Variants in SYNE1 observed in about 807,000 individuals in gnomAD.
SYNE1 encodes spectrin repeat containing nuclear envelope protein 1.
In SYNE1, 616 loss-of-function variants were observed where a neutral mutation model predicts 1,111.0. That is an observed-to-expected ratio of 0.55 (90% CI 0.52 to 0.59). SYNE1 has a LOEUF of 0.59. Among genes scored for constraint, SYNE1 ranks in the 20% least tolerant of loss-of-function variants. SYNE1 has a pLI of 0.00. For synonymous variants in SYNE1, 3,855 were observed against 3,825.8 expected, an observed-to-expected ratio of 1.01 and a Z score of -0.28; for missense variants, 10,006 against 10,417.0, an observed-to-expected ratio of 0.96 and a Z score of 1.72.
intron 41 of SYNE1, among the ~76,000 whole-genome samples, chr6:152,415,183 A>G (rs2154179825): frequency 6.6e-6 from 1 of 152,304 alleles, no homozygotes; most frequent in South Asian, 2.1e-4. Flanking sequence ...TTAAGAAGAA[A>G]AAAAATTGAA....
chr6:152,257,998 TA>T (rs2091250322), intron 101 of SYNE1, among the ~76,000 whole-genome samples: 1 of 152,074 alleles, frequency 6.6e-6, no homozygotes, highest in Non-Finnish European at 1.5e-5. Context: ...TAAAGAAAAC[TA>T]AATAATTCTT....
At chr6:152,135,419 A>G (rs2056834686) in intron 141 of SYNE1, among the ~76,000 whole-genome samples, 187 bp from the exon 142 acceptor site, 1 of 152,252 alleles carries the variant, frequency 6.6e-6, no homozygotes, top group Admixed American at 6.5e-5. Flanking sequence ...TACCAAAAGC[A>G]TCTAATTTAT....
rs533463247 is a variant in SYNE1 at position 152,554,397 on chromosome 6, CAA to C, written c.68-14378_68-14377del. ...CCTCCTCCATTTATTTCAAAATGAA[CAA>C]AGTGTTCAAGGCCCACTTTTGCACT... is the stretch of plus-strand genomic sequence containing the variant. On this transcript the variant is annotated intron_variant, in intron 3 of 145. Transcript: ENST00000367255. Among the ~76,000 whole-genome samples the C allele has an allele frequency of 2.7e-3, 412 of 151,654 alleles. 1 individual carries two copies. The highest frequency in any genetic ancestry group is 6.9e-3 in the African/African-American group (284 of 41,350).
In SYNE1 at chr6:152,362,317, G is replaced by A. The variant is rs1194222750; in HGVS notation, c.10152C>T (p.Leu3384=). Residue 3384 remains leucine, a synonymous_variant, in exon 64 of 146, where the codon CTC becomes CTT. Coordinates refer to ENST00000367255, the MANE Select transcript of SYNE1 (RefSeq NM_182961.4). The stretch of plus-strand genomic sequence containing the variant: ...TTGTCCACTTGGAGAGAGCTCCTTC[G>A]AGTTGGCTGAAAGGGATTTGAAAGG... ...LSAGIRCKSQ[L]EGALSKWTSY... 2 of 1,614,058 alleles carry A rather than the reference G, an allele frequency of 1.2e-6. No homozygotes were observed. Among genetic ancestry groups the A allele is most frequent in the Non-Finnish European group, 1.7e-6 (2 of 1,180,044 alleles).
intron 128 of SYNE1, among the ~76,000 whole-genome samples, chr6:152,183,258 C>A (rs141241085): frequency 6.6e-6 from 1 of 152,114 alleles, no homozygotes; most frequent in Non-Finnish European, 1.5e-5. Context: ...GTTAAAATCC[C>A]GGTTCAATTG....
At chr6:152,456,684 G>A (rs214967) in intron 22 of SYNE1, 214,497 of 448,266 alleles carry the variant, frequency 0.48, 55,223 homozygotes, top group East Asian at 0.76. Context: ...CTCCACCTCT[G>A]ACTTGTAGCC....
intron 63 of SYNE1, among the ~76,000 whole-genome samples, chr6:152,363,234 C>T (rs1161290488): frequency 6.1e-5 from 9 of 148,220 alleles, no homozygotes; most frequent in Non-Finnish European, 1.3e-4. Flanking sequence ...GTGACTCACG[C>T]CTGTAATCCC....
In SYNE1 at chr6:152,378,488, T is replaced by C. The variant is rs6916841; in HGVS notation, c.9010-1576A>G. Among the ~76,000 whole-genome samples, 1,132 of 152,336 alleles carry C rather than the reference T, an allele frequency of 7.4e-3. 16 individuals carry two copies. The highest frequency in any genetic ancestry group is 0.026 in the African/African-American group (1,083 of 41,572). ...GATATCCAGGCTAGCTTATTCTGTG[T>C]CTTAGCTCCTTTCATCATTCCCCTC... is the stretch of plus-strand genomic sequence containing the variant. On this transcript the variant is annotated intron_variant, in intron 56 of 145. Coordinates refer to ENST00000367255, the MANE Select transcript of SYNE1 (RefSeq NM_182961.4).
At chr6:152,373,287 T>C in intron 58 of SYNE1, 68 bp from the exon 59 acceptor site, 1 of 1,308,148 alleles carries the variant, frequency 7.6e-7, no homozygotes, top group South Asian at 1.5e-5. Context: ...TTTCTTTTCT[T>C]TTTTTTTTTT....
rs530365975 is a variant in SYNE1, at chr6:152,235,729, A to G, written c.20396+378T>C. 2.8e-4 allele frequency among the ~76,000 whole-genome samples: 43 copies of G among 152,004 alleles called. 1 individual carries two copies. The highest frequency in any genetic ancestry group is 2.3e-3 in the South Asian group (11 of 4,824). On this transcript the variant is annotated intron_variant, in intron 110 of 145. Coordinates refer to ENST00000367255, the MANE Select transcript of SYNE1 (RefSeq NM_182961.4). ...GGAGCCATGTCACTTTCAAGTGAAT[A>G]TCTACTTGCCTTATTTATTTATTTA...
At position 152,442,140 on chromosome 6, in the gene SYNE1, G is replaced by C. The variant is rs747574901; in HGVS notation, c.3943C>G (p.Arg1315Gly). 1.9e-6 allele frequency: 3 copies of C among 1,613,878 alleles called. No homozygotes were observed. In the South Asian group the frequency reaches 3.3e-5, roughly 18 times the overall value. Reference protein sequence around the residue: ...GLPDRGHEELRKLESTLDGLE... With the variant: ...GLPDRGHEELGKLESTLDGLE... ...CCATCCAGTGTGCTCTCCAGCTTCC[G>C]CAGCTCCTCGTGGCCTCGGTCAGGC... is the stretch of plus-strand genomic sequence containing the variant. The change falls in exon 31 of 146, where the codon CGG becomes GGG. Residue 1315 changes from arginine to glycine, a missense_variant. Arg to Gly is a moderately radical substitution (Grantham distance 125). Coordinates refer to ENST00000367255, the MANE Select transcript of SYNE1 (RefSeq NM_182961.4).
chr6:152,624,781 G>A (rs144772874), intron 3 of SYNE1, among the ~76,000 whole-genome samples: 1 of 152,276 alleles, frequency 6.6e-6, no homozygotes, highest in African/African-American at 2.4e-5. Flanking sequence ...GTGAAATATT[G>A]AATGGCTACT....
At chr6:152,604,192 G>T (rs1196406394) in intron 3 of SYNE1, among the ~76,000 whole-genome samples, 1 of 151,716 alleles carries the variant, frequency 6.6e-6, no homozygotes, top group African/African-American at 2.4e-5. Context: ...GTGTGTGTGT[G>T]TGTATGTAGT....
chr6:152,439,501 T>G (rs558674659), intron 32 of SYNE1, among the ~76,000 whole-genome samples: 1 of 152,314 alleles, frequency 6.6e-6, no homozygotes, highest in East Asian at 1.9e-4. Context: ...AGTTTTAGGA[T>G]TACAGGCATG....
chr6:152,305,704 C>A (rs753631597), intron 91 of SYNE1, among the ~76,000 whole-genome samples: 53 of 152,340 alleles, frequency 3.5e-4, no homozygotes, highest in Non-Finnish European at 1.2e-4. Flanking sequence ...CAGAAACCCT[C>A]TTCCCAATTT....
At chr6:152,509,253 T>G (rs1434829070) in intron 8 of SYNE1, among the ~76,000 whole-genome samples, 16 of 141,976 alleles carry the variant, frequency 1.1e-4, no homozygotes, top group Admixed American at 3.5e-4. Context: ...TTTTTCTTTT[T>G]TTTTTTTTTT....
intron 98 of SYNE1, among the ~76,000 whole-genome samples, chr6:152,274,963 T>A (rs2093490591): frequency 1.3e-5 from 2 of 152,196 alleles, no homozygotes; most frequent in Admixed American, 1.3e-4. Context: ...CATAGCTCGC[T>A]GCAGCCTCAA....
In SYNE1 at chr6:152,331,008, C is replaced by T; in HGVS notation, c.13677G>A (p.Lys4559=). 1 of 1,614,128 alleles carries T rather than the reference C, an allele frequency of 6.2e-7. No individual in the cohort carries two copies. Among genetic ancestry groups the T allele is most frequent in the Non-Finnish European group, 8.5e-7 (1 of 1,180,026 alleles). The change falls in exon 78 of 146, where the codon AAG becomes AAA. Residue 4559 remains lysine, a synonymous_variant. Transcript: ENST00000367255. Reference sequence around the variant, plus strand: ...TAAAATGCTTCCTAGAAACCAAATTCTTCTCTAGTTCTTGTAACCGGTGAC... The same window carrying T: ...TAAAATGCTTCCTAGAAACCAAATTTTTCTCTAGTTCTTGTAACCGGTGAC... ...KCSHRLQELE[K]NLVSRKHFKE...
intron 3 of SYNE1, among the ~76,000 whole-genome samples, chr6:152,550,604 C>A (rs1363360216): frequency 1.3e-5 from 2 of 150,684 alleles, no homozygotes; most frequent in Non-Finnish European, 2.9e-5. Context: ...AGCCTTGAAG[C>A]CTTGGATGGG....
Sources: gnomAD v4.1 joint callset for allele counts (sites outside exome capture counted in the v4.1 genomes callset) on GRCh38, gnomAD v4.1.1 for gene constraint, MANE v1.5 for transcripts, NCBI Gene and HGNC (gene_info 2026-07-23, HGNC 2026-07-21) for gene names.